CCDC171: variants seen among roughly 807,000 people sequenced by gnomAD.
CCDC171 encodes coiled-coil domain-containing protein 171.
CCDC171 carries 177 observed loss-of-function variants against 168.2 expected under a neutral mutation model. That is an observed-to-expected ratio of 1.05 (90% CI 0.93 to 1.19). The LOEUF is 1.19. Ranked by LOEUF, CCDC171 falls within the 50% of genes most tolerant of loss-of-function variation. The probability of loss-of-function intolerance (pLI) is 0.00; values close to 1 mark genes in which losing one functional copy is unlikely to be tolerated. For synonymous variants in CCDC171, 687 were observed against 540.8 expected, an observed-to-expected ratio of 1.27 and a Z score of -3.75; for missense variants, 1,991 against 1,539.0, an observed-to-expected ratio of 1.29 and a Z score of -4.91.
chr9:15,983,815 A>AGTGTGTGTGTGTGT (rs563329483), intron 3 of CCDC171, among the ~76,000 whole-genome samples: 3,940 of 124,308 alleles, frequency 0.032, 118 homozygotes, highest in Middle Eastern at 0.05. Context: ...CTAAATAAAG[A>AGTGTGTGTGTGTGT]GAGTGTGTGT....
At chr9:16,075,475 C>G in the CCDC171 span, among the ~76,000 whole-genome samples, 1 of 152,158 alleles carries the variant, frequency 6.6e-6, no homozygotes, top group South Asian at 2.1e-4. Context: ...GTTGCTCAGC[C>G]TGTTATCTTT....
chr9:15,727,997 T>C lies in CCDC171; in HGVS notation c.1821T>C (p.Val607=), dbSNP rs765189009. Residue 607 remains valine, a synonymous_variant, in exon 15 of 26, where the codon GTT becomes GTC. Coordinates refer to ENST00000380701, the MANE Select transcript of CCDC171 (RefSeq NM_173550.4). ...TTTGTGCAGTCTTACAGGAGAATGTTGATGCCCTGATTGCAGACCTCAACA... is the reference window on the plus strand; with the variant it reads ...TTTGTGCAGTCTTACAGGAGAATGTCGATGCCCTGATTGCAGACCTCAACA... The part of the protein sequence containing the change: ...SELCAVLQEN[V]DALIADLNRA... The C allele has an allele frequency of 1.2e-6, 2 of 1,613,090 alleles. No homozygotes were observed. Among genetic ancestry groups the C allele is most frequent in the Non-Finnish European group, 1.7e-6 (2 of 1,179,418 alleles).
intron 3 of CCDC171, among the ~76,000 whole-genome samples, chr9:16,004,461 G>A (rs1042112409): frequency 5.3e-5 from 8 of 152,206 alleles, no homozygotes; most frequent in Non-Finnish European, 1.2e-4. Context: ...TGACGAGCTG[G>A]TGGCCCAGTG....
At chr9:15,708,384 A>G (rs1162778210) in intron 11 of CCDC171, among the ~76,000 whole-genome samples, 2 of 152,220 alleles carry the variant, frequency 1.3e-5, no homozygotes, top group South Asian at 2.1e-4. Flanking sequence ...TGAAAGTACA[A>G]TCAGCTTCCC....
chr9:15,630,225 A>G (rs2045561886), intron 7 of CCDC171, among the ~76,000 whole-genome samples: 1 of 152,248 alleles, frequency 6.6e-6, no homozygotes, highest in South Asian at 2.1e-4. Flanking sequence ...TAAAAGACAC[A>G]GACTGGCAAA....
intron 24 of CCDC171, among the ~76,000 whole-genome samples, chr9:15,899,084 G>A (rs1563962002): frequency 6.6e-6 from 1 of 152,154 alleles, no homozygotes; most frequent in Non-Finnish European, 1.5e-5. Flanking sequence ...GACTTTTTGA[G>A]TTGGCTTTTT....
At chr9:15,720,233 T>A (rs557612187) in intron 11 of CCDC171, among the ~76,000 whole-genome samples, 2 of 152,200 alleles carry the variant, frequency 1.3e-5, no homozygotes, top group African/African-American at 4.8e-5. Flanking sequence ...AGTTGCTCTA[T>A]CATTAACTAA....
At chr9:15,852,156 C>T (rs920492670) in intron 23 of CCDC171, among the ~76,000 whole-genome samples, 1 of 151,784 alleles carries the variant, frequency 6.6e-6, no homozygotes, top group Non-Finnish European at 1.5e-5. Flanking sequence ...TGAGGAACCA[C>T]AACTGTTTTC....
the CCDC171 span, among the ~76,000 whole-genome samples, chr9:16,106,138 C>T: frequency 1.3e-5 from 2 of 152,312 alleles, no homozygotes; most frequent in East Asian, 3.9e-4. Flanking sequence ...TTTTCTGTGT[C>T]ACCTCAGTCT....
At chr9:15,862,770 AGGCTCCAG>A (rs2061615427) in intron 23 of CCDC171, among the ~76,000 whole-genome samples, 2 of 152,042 alleles carry the variant, frequency 1.3e-5, no homozygotes, top group Non-Finnish European at 2.9e-5. Flanking sequence ...ATCTTCTTAA[AGGCTCCAG>A]GGTTCTAGAG....
intron 11 of CCDC171, among the ~76,000 whole-genome samples, chr9:15,695,908 T>A (rs777031800): frequency 6.6e-6 from 1 of 152,218 alleles, no homozygotes; most frequent in Admixed American, 6.5e-5. Flanking sequence ...TATATATTAA[T>A]TAGGTAGACA....
chr9:15,710,997 A>G (rs986895825), intron 11 of CCDC171, among the ~76,000 whole-genome samples: 2 of 152,058 alleles, frequency 1.3e-5, no homozygotes, highest in Non-Finnish European at 2.9e-5. Context: ...ATTGCATCCC[A>G]TTGTATAGTT....
intron 3 of CCDC171, among the ~76,000 whole-genome samples, chr9:16,014,186 A>C (rs912294199): frequency 2.0e-5 from 3 of 152,218 alleles, no homozygotes; most frequent in African/African-American, 7.2e-5. Flanking sequence ...GTTTCATTTC[A>C]GCAACATTCA....
intron 24 of CCDC171, among the ~76,000 whole-genome samples, chr9:15,899,169 T>C (rs1821309039): frequency 6.6e-6 from 1 of 152,218 alleles, no homozygotes; most frequent in Non-Finnish European, 1.5e-5. Context: ...TTTGTCAATA[T>C]TGATTAATAG....
intron 18 of CCDC171, among the ~76,000 whole-genome samples, chr9:15,754,809 G>C (rs1271938366): frequency 1.3e-5 from 2 of 152,056 alleles, no homozygotes; most frequent in South Asian, 2.1e-4. Context: ...GCTTAGAAGA[G>C]TCTTTGATTA....
chr9:15,672,231 T>C (rs2049171435), intron 9 of CCDC171, among the ~76,000 whole-genome samples: 1 of 152,206 alleles, frequency 6.6e-6, no homozygotes. Flanking sequence ...TTTAAGTTCT[T>C]TGTAGATTCT....
chr9:15,961,936 G>T (rs1471953696), intron 25 of CCDC171, among the ~76,000 whole-genome samples: 1 of 152,110 alleles, frequency 6.6e-6, no homozygotes, highest in Non-Finnish European at 1.5e-5. Flanking sequence ...TTGCCCTAGG[G>T]TCAGCAAATC....
At chr9:15,648,241 C>G (rs1386844208) in intron 7 of CCDC171, among the ~76,000 whole-genome samples, 1 of 152,120 alleles carries the variant, frequency 6.6e-6, no homozygotes. Context: ...ATTGATGGGA[C>G]GTATCTCAAA....
chr9:15,669,271 C>T (rs1282930541), intron 9 of CCDC171, among the ~76,000 whole-genome samples: 1 of 152,074 alleles, frequency 6.6e-6, no homozygotes, highest in Non-Finnish European at 1.5e-5. Flanking sequence ...CCATCTAAAA[C>T]TTGCAGTATG....
Sources: allele counts gnomAD v4.1 joint callset (sites outside exome capture counted in the v4.1 genomes callset), GRCh38; gene constraint gnomAD v4.1.1; transcripts MANE v1.5; gene names NCBI Gene and HGNC (gene_info 2026-07-23, HGNC 2026-07-21).